The following NTN4 variants were observed in gnomAD, a reference collection of about 807,000 sequenced individuals.
NTN4 encodes netrin-4.
In NTN4, 32 loss-of-function variants were observed where a neutral mutation model predicts 73.6. The ratio of observed to expected loss-of-function variants is 0.44; its 90% CI spans 0.33 to 0.58. The LOEUF is 0.58. Among genes scored for constraint, NTN4 ranks in the 20% least tolerant of loss-of-function variants. The probability of loss-of-function intolerance (pLI) is 0.04; values close to 1 mark genes in which losing one functional copy is unlikely to be tolerated. For missense variants in NTN4, 654 were observed against 798.3 expected, an observed-to-expected ratio of 0.82 and a Z score of 2.18; for synonymous variants, 258 against 287.5, an observed-to-expected ratio of 0.90 and a Z score of 1.04.
At chr12:95,662,732 C>G (rs2078148157) in intron 9 of NTN4, among the ~76,000 whole-genome samples, 1 of 152,136 alleles carries the variant, frequency 6.6e-6, no homozygotes, top group African/African-American at 2.4e-5. Context: ...AATTAACAGA[C>G]TAGTTAAAAA....
intron 3 of NTN4, among the ~76,000 whole-genome samples, chr12:95,726,988 T>TGG (rs2078700114): frequency 6.6e-6 from 1 of 151,976 alleles, no homozygotes; most frequent in African/African-American, 2.4e-5. Context: ...AAAATTTTTT[T>TGG]GGGGAAAATG....
Position 95,672,580 on chromosome 12 carries a change from TG to T in NTN4, c.1511-2435del, listed in dbSNP as rs548112937. On this transcript the variant is annotated intron_variant, in intron 7 of 9. Coordinates refer to ENST00000343702, the MANE Select transcript of NTN4 (RefSeq NM_021229.4). Reference sequence around the variant, plus strand: ...CTTGGCGCCTCAATGAGCGGCACTATGGGGGTCTGACCGATCTCGGTAAAGC... The same window carrying T: ...CTTGGCGCCTCAATGAGCGGCACTATGGGGTCTGACCGATCTCGGTAAAGC... 5.3e-6 allele frequency: 8 copies of T among 1,523,582 alleles called. No individual in the cohort carries two copies. The East Asian group carries it at 1.6e-4, about 30-fold the overall frequency. The allele number at this position is 1,523,582 out of a possible 1,614,324, so 94.4% of individuals were successfully genotyped here.
chr12:95,666,865 C>T (rs1028612426), intron 8 of NTN4, among the ~76,000 whole-genome samples: 5 of 152,200 alleles, frequency 3.3e-5, no homozygotes, highest in African/African-American at 1.2e-4. Flanking sequence ...GGTGTCCAAC[C>T]TCTTGACTTC....
chr12:95,768,567 G>T (rs778017314), intron 2 of NTN4, among the ~76,000 whole-genome samples: 3 of 152,044 alleles, frequency 2.0e-5, no homozygotes, highest in Non-Finnish European at 4.4e-5. Flanking sequence ...AAGAGGCCAG[G>T]GGGGCATTCA....
At chr12:95,734,285 T>C (rs1461437556) in intron 3 of NTN4, among the ~76,000 whole-genome samples, 1 of 152,180 alleles carries the variant, frequency 6.6e-6, no homozygotes, top group Non-Finnish European at 1.5e-5. Context: ...CGAACTGGCA[T>C]AGTCTGTAAA....
At chr12:95,727,856 T>C (rs1382491361) in intron 3 of NTN4, among the ~76,000 whole-genome samples, 1 of 152,220 alleles carries the variant, frequency 6.6e-6, no homozygotes, top group Non-Finnish European at 1.5e-5. Flanking sequence ...TTTTGATAGA[T>C]ATCACAGTGA....
intron 2 of NTN4, among the ~76,000 whole-genome samples, chr12:95,783,622 C>T (rs2079147681): frequency 6.6e-6 from 1 of 152,178 alleles, no homozygotes; most frequent in African/African-American, 2.4e-5. Context: ...TTTTATGGAA[C>T]AAATACTAGA....
intron 5 of NTN4, among the ~76,000 whole-genome samples, chr12:95,690,991 A>C (rs1435901695): frequency 6.6e-6 from 1 of 152,220 alleles, no homozygotes; most frequent in East Asian, 1.9e-4. Flanking sequence ...GTGCTAGTAG[A>C]TTTCTGTCAG....
chr12:95,693,592 A>G (rs1273966832), intron 5 of NTN4, among the ~76,000 whole-genome samples: 4 of 151,788 alleles, frequency 2.6e-5, no homozygotes, highest in Admixed American at 6.6e-5. Context: ...TTAGCTGGGT[A>G]TGGTGGTGCA....
intron 2 of NTN4, among the ~76,000 whole-genome samples, chr12:95,780,767 G>T (rs1225271293): frequency 2.6e-5 from 4 of 152,202 alleles, no homozygotes; most frequent in African/African-American, 9.7e-5. Flanking sequence ...TCTAGAACTA[G>T]AAATACCATT....
intron 5 of NTN4, among the ~76,000 whole-genome samples, chr12:95,691,578 T>G (rs571029004): frequency 3.3e-5 from 5 of 152,172 alleles, no homozygotes; most frequent in Admixed American, 1.3e-4. Flanking sequence ...GTATTTTTAG[T>G]AGAGACGGGG....
At chr12:95,767,377 TC>T (rs1477312925) in intron 2 of NTN4, among the ~76,000 whole-genome samples, 2 of 114,698 alleles carry the variant, frequency 1.7e-5, no homozygotes, top group Non-Finnish European at 3.9e-5. Context: ...CAGAAATTTC[TC>T]ACAAAAAAAA....
At chr12:95,762,076 G>A (rs947603297) in intron 2 of NTN4, among the ~76,000 whole-genome samples, 1 of 152,080 alleles carries the variant, frequency 6.6e-6, no homozygotes, top group Non-Finnish European at 1.5e-5. Flanking sequence ...ACCACAGTTG[G>A]CAATTAACTT....
intron 5 of NTN4, among the ~76,000 whole-genome samples, chr12:95,699,582 C>A (rs1362966): frequency 0.093 from 14,174 of 151,686 alleles, 925 homozygotes; most frequent in Non-Finnish European, 0.14. Flanking sequence ...ACCCAAAGCA[C>A]CTGCATCTCC....
chr12:95,786,134 C>A (rs2079165630), intron 2 of NTN4, among the ~76,000 whole-genome samples: 2 of 152,186 alleles, frequency 1.3e-5, no homozygotes, highest in African/African-American at 2.4e-5. Context: ...AATGATTATA[C>A]TCTCCTCTCT....
chr12:95,743,626 C>T (rs925792373), intron 2 of NTN4, among the ~76,000 whole-genome samples: 2 of 152,124 alleles, frequency 1.3e-5, no homozygotes, highest in Admixed American at 6.5e-5. Context: ...GTGTTTACTC[C>T]AGTTATTTGG....
chr12:95,788,812 G>A (rs1272110017), intron 1 of NTN4, among the ~76,000 whole-genome samples: 2 of 152,112 alleles, frequency 1.3e-5, no homozygotes, highest in Admixed American at 6.5e-5. Flanking sequence ...GTTGCTTGTG[G>A]CCAGAAGCAC....
chr12:95,683,741 A>T, intron 5 of NTN4, 30 bp from the exon 6 acceptor site: 1 of 1,539,672 alleles, frequency 6.5e-7, no homozygotes, highest in Non-Finnish European at 8.8e-7. Context: ...CAAGGATCAA[A>T]GACTGACTGT....
intron 2 of NTN4, among the ~76,000 whole-genome samples, chr12:95,739,023 T>C (rs535396526): frequency 6.6e-6 from 1 of 152,324 alleles, no homozygotes; most frequent in African/African-American, 2.4e-5. Flanking sequence ...TTAGTACTTA[T>C]CACCATCTGA....
Sources: gnomAD v4.1 joint callset for allele counts (sites outside exome capture counted in the v4.1 genomes callset) on GRCh38, gnomAD v4.1.1 for gene constraint, MANE v1.5 for transcripts, NCBI Gene and HGNC (gene_info 2026-07-23, HGNC 2026-07-21) for gene names.